Variants in SYBU observed in about 807,000 individuals in gnomAD.
SYBU encodes the protein syntabulin, also known as GOLSYN A protein.
SYBU carries 21 observed loss-of-function variants against 35.9 expected under a neutral mutation model. The ratio of observed to expected loss-of-function variants is 0.58; its 90% CI spans 0.41 to 0.84. The LOEUF is 0.84. Ranked by LOEUF, SYBU falls within the 40% of genes least tolerant of loss-of-function variation. SYBU has a pLI of 0.00. For missense variants in SYBU, 768 were observed against 848.2 expected (o/e 0.91, Z 1.17); for synonymous variants, 319 against 324.3 (o/e 0.98, Z 0.18).
chr8:109,633,510 G>C (rs1055253102), intron 2 of SYBU, among the ~76,000 whole-genome samples: 1 of 152,188 alleles, frequency 6.6e-6, no homozygotes, highest in Non-Finnish European at 1.5e-5. Context: ...TCCTGCTGGA[G>C]CCAGAGGAGC....
intron 3 of SYBU, among the ~76,000 whole-genome samples, chr8:109,590,341 T>C (rs189386728): frequency 7.2e-5 from 11 of 152,240 alleles, no homozygotes; most frequent in African/African-American, 2.6e-4. Flanking sequence ...GAACCCCGTA[T>C]AGGTATTTAT....
chr8:109,672,783 T>C (rs946869560), intron 1 of SYBU, among the ~76,000 whole-genome samples: 17 of 152,326 alleles, frequency 1.1e-4, no homozygotes, highest in East Asian at 9.6e-4. Flanking sequence ...ATCCACTGGC[T>C]TTAAATTCTC....
intron 1 of SYBU, among the ~76,000 whole-genome samples, chr8:109,667,209 C>T (rs527706146): frequency 2.4e-4 from 36 of 151,506 alleles, no homozygotes; most frequent in African/African-American, 7.0e-4. Context: ...CTCCACCTCC[C>T]GGGTTCAGGC....
At chr8:109,619,427 A>T (rs372631460) in intron 2 of SYBU, among the ~76,000 whole-genome samples, 8 of 151,894 alleles carry the variant, frequency 5.3e-5, no homozygotes, top group African/African-American at 1.9e-4. Flanking sequence ...GGGTTTCACC[A>T]TGTTGGCCAG....
At chr8:109,638,910 C>T (rs577489241) in intron 2 of SYBU, among the ~76,000 whole-genome samples, 58 of 152,214 alleles carry the variant, frequency 3.8e-4, no homozygotes, top group African/African-American at 1.3e-3. Context: ...GGGGACACAC[C>T]CCAAATGAAT....
At chr8:109,580,892 A>C (rs773757555) in intron 4 of SYBU, 8 of 152,326 alleles carry the variant, frequency 5.3e-5, no homozygotes, top group Non-Finnish European at 1.2e-4. Flanking sequence ...TTCCTGAAGG[A>C]TCCATGCTTG....
At chr8:109,648,258 C>CAATAATATATATATATAATATATATATAT (rs1815908404), upstream of SYBU, among the ~76,000 whole-genome samples, 2 of 136,902 alleles carry the variant, frequency 1.5e-5, no homozygotes, top group Admixed American at 7.2e-5. Flanking sequence ...TATATATATA[C>CAATAATATATATATATAATATATATATAT]AATAATATAT....
In SYBU at chr8:109,656,974, A is replaced by T. The variant is rs559800113; in HGVS notation, c.-129+23737T>A. Reference sequence around the variant, plus strand: ...ATTTCTAGCTTTTAACTATATTTTAAGATAAACCAAGAATAAAAACACATA... The same window carrying T: ...ATTTCTAGCTTTTAACTATATTTTATGATAAACCAAGAATAAAAACACATA... On this transcript the variant is annotated intron_variant, in intron 1 of 5. Transcript: ENST00000408889. Among the ~76,000 whole-genome samples the T allele has an allele frequency of 2.6e-5, 4 of 152,300 alleles. 1 individual carries two copies. The South Asian group carries it at 8.3e-4, about 32-fold the overall frequency.
chr8:109,625,923 A>G (rs1187739716), intron 2 of SYBU, among the ~76,000 whole-genome samples: 1 of 152,218 alleles, frequency 6.6e-6, no homozygotes, highest in Non-Finnish European at 1.5e-5. Flanking sequence ...CTATTATTGT[A>G]TGAACATACT....
chr8:109,644,059 G>C, intron 1 of SYBU: 1 of 456,520 alleles, frequency 2.2e-6, no homozygotes, highest in Admixed American at 2.3e-5. Context: ...ACCAGGAAGG[G>C]TCACGGCCAA....
intron 3 of SYBU, among the ~76,000 whole-genome samples, chr8:109,613,229 G>A (rs1373067540): frequency 2.0e-5 from 3 of 152,148 alleles, no homozygotes; most frequent in Admixed American, 1.3e-4. Flanking sequence ...CAAATTGTGT[G>A]TGAGAGTTTT....
chr8:109,626,660 C>T (rs1813012529), intron 2 of SYBU, among the ~76,000 whole-genome samples: 1 of 152,294 alleles, frequency 6.6e-6, no homozygotes, highest in African/African-American at 2.4e-5. Flanking sequence ...CAAGTCCCTA[C>T]TAAAATCTTC....
intron 4 of SYBU, 146 bp from the exon 5 acceptor site, chr8:109,580,148 G>A (rs1822858968): frequency 2.9e-6 from 2 of 694,794 alleles, no homozygotes; most frequent in East Asian, 5.5e-5. Context: ...CTTAGGAGCG[G>A]CCTTCTTCCC....
At chr8:109,651,448 CTTTTTT>C (rs535652540) in intron 1 of SYBU, among the ~76,000 whole-genome samples, 405 of 64,442 alleles carry the variant, frequency 6.3e-3, no homozygotes, top group African/African-American at 0.021. Context: ...GAAATTGAGA[CTTTTTT>C]TTTTTTTTTT....
At chr8:109,613,690 T>A (rs1811442897) in intron 3 of SYBU, among the ~76,000 whole-genome samples, 1 of 152,232 alleles carries the variant, frequency 6.6e-6, no homozygotes, top group African/African-American at 2.4e-5. Flanking sequence ...TGTCTAGCTG[T>A]TTTATTTCAC....
intron 3 of SYBU, among the ~76,000 whole-genome samples, chr8:109,608,341 A>G (rs1290150697): frequency 6.6e-6 from 1 of 152,220 alleles, no homozygotes; most frequent in African/African-American, 2.4e-5. Context: ...TAATATCCCA[A>G]TGGGCAAGCA....
upstream of SYBU, chr8:109,646,741 G>A (rs989436142): frequency 4.6e-5 from 7 of 152,196 alleles, no homozygotes; most frequent in South Asian, 2.1e-4. Context: ...CCTAATAGCA[G>A]AAACACCCTC....
At chr8:109,685,858 T>A (rs1817508337), upstream of SYBU, among the ~76,000 whole-genome samples, 1 of 152,116 alleles carries the variant, frequency 6.6e-6, no homozygotes, top group South Asian at 2.1e-4. Flanking sequence ...ACTAAAAAAT[T>A]ACGAAATGAA....
In SYBU at chr8:109,665,074, G is replaced by A. The variant is rs115146050; in HGVS notation, c.-129+15637C>T. On this transcript the variant is annotated intron_variant, in intron 1 of 5. Coordinates refer to the SYBU transcript ENST00000408889. ...CAATGCTGTCCAACAGAAATGTAAT[G>A]AGCCAACTATAAGTCTATAATATAA... 4.3e-3 allele frequency among the ~76,000 whole-genome samples: 648 copies of A among 152,206 alleles called. 6 individuals are homozygous for A. Among genetic ancestry groups the A allele is most frequent in the African/African-American group, 0.015 (620 of 41,536 alleles).
Sources: gnomAD v4.1 joint callset for allele counts (sites outside exome capture counted in the v4.1 genomes callset) on GRCh38, gnomAD v4.1.1 for gene constraint, MANE v1.5 for transcripts, NCBI Gene and HGNC (gene_info 2026-07-23, HGNC 2026-07-21) for gene names.